The following INPP5A variants were observed in gnomAD, a reference collection of about 807,000 sequenced individuals.
INPP5A encodes 43 kDa inositol polyphosphate 5-phophatase.
In INPP5A, 14 loss-of-function variants were observed where a neutral mutation model predicts 65.2. The ratio of observed to expected loss-of-function variants is 0.21; its 90% CI spans 0.14 to 0.34. The LOEUF is 0.34. Ranked by LOEUF, INPP5A falls within the 10% of genes least tolerant of loss-of-function variation. INPP5A has a pLI of 1.00. For synonymous variants in INPP5A, 207 were observed against 208.3 expected (o/e 0.99, Z 0.05); for missense variants, 431 against 545.6 (o/e 0.79, Z 2.09).
chr10:132,640,843 C>A (rs1357894343), intron 2 of INPP5A, among the ~76,000 whole-genome samples: 1 of 152,242 alleles, frequency 6.6e-6, no homozygotes, highest in Non-Finnish European at 1.5e-5. Flanking sequence ...CAGTGTCCCC[C>A]ACACAGTGTC....
intron 12 of INPP5A, among the ~76,000 whole-genome samples, chr10:132,773,699 C>G (rs1245503650): frequency 6.6e-6 from 1 of 152,190 alleles, no homozygotes; most frequent in Non-Finnish European, 1.5e-5. Flanking sequence ...AGTGAGGGAA[C>G]CCGTCCCACA....
intron 8 of INPP5A, among the ~76,000 whole-genome samples, chr10:132,719,614 G>C (rs1487241890): frequency 1.5e-5 from 2 of 137,924 alleles, no homozygotes; most frequent in Non-Finnish European, 3.1e-5. Flanking sequence ...TCTTTCTGGA[G>C]GCGCCTTAGA....
At chr10:132,642,885 G>A (rs528270598) in intron 2 of INPP5A, among the ~76,000 whole-genome samples, 1 of 152,266 alleles carries the variant, frequency 6.6e-6, no homozygotes, top group South Asian at 2.1e-4. Context: ...TTTCTGTCAC[G>A]TGCTTGAAAT....
chr10:132,625,870 GTGTGTGTT>G lies in INPP5A; in HGVS notation c.117+17922_117+17929del, dbSNP rs1435903485. Among the ~76,000 whole-genome samples, 361 of 148,804 alleles carry G rather than the reference GTGTGTGTT, an allele frequency of 2.4e-3. 2 individuals carry two copies. Among genetic ancestry groups the G allele is most frequent in the African/African-American group, 8.8e-3 (344 of 39,238 alleles). ...TGTGTGTGTGTGTGTGTGTGTGTGTGTGTGTGTTTGTGTGTGTGTGTGTACAGTGTTTG... is the reference window on the plus strand; with the variant it reads ...TGTGTGTGTGTGTGTGTGTGTGTGTGTGTGTGTGTGTGTGTACAGTGTTTG... On this transcript the variant is annotated intron_variant, in intron 2 of 15. Coordinates refer to ENST00000368594, the MANE Select transcript of INPP5A (RefSeq NM_005539.5).
chr10:132,729,509 C>G (rs537706702), intron 9 of INPP5A, among the ~76,000 whole-genome samples: 1 of 152,220 alleles, frequency 6.6e-6, no homozygotes, highest in African/African-American at 2.4e-5. Flanking sequence ...AACTGCCTCC[C>G]GGGCCTCAGT....
intron 2 of INPP5A, among the ~76,000 whole-genome samples, chr10:132,630,586 T>TGAGGGGAAGACGTCCAC (rs2072253359): frequency 6.6e-6 from 1 of 150,542 alleles, no homozygotes; most frequent in Admixed American, 6.6e-5. Context: ...AAGACGTCCA[T>TGAGGGGAAGACGTCCAC]GAGGGGAAGA....
chr10:132,542,357 C>T (rs939871397), intron 1 of INPP5A, among the ~76,000 whole-genome samples: 3 of 152,218 alleles, frequency 2.0e-5, no homozygotes, highest in African/African-American at 7.2e-5. Flanking sequence ...TTGAAGAGCC[C>T]TGGAAGAGCG....
At position 132,538,182 on chromosome 10, in the gene INPP5A, C is replaced by G; in HGVS notation, c.75+11C>G. The G allele has an allele frequency of 1.6e-6, 2 of 1,272,878 alleles. No homozygotes were observed. The highest frequency in any genetic ancestry group is 2.0e-6 in the Non-Finnish European group (2 of 1,005,686). 78.8% of individuals were successfully genotyped at this position (1,272,878 alleles called of 1,614,324 possible). A position where few individuals can be genotyped will look rare whatever the true frequency, so the allele number is the denominator to read the frequency against. ...TCGCTCTTCGACGACGTAAGTCCCCCGTGCCGGCGGCAGGCCCCAAGCCCG... is the reference window on the plus strand; with the variant it reads ...TCGCTCTTCGACGACGTAAGTCCCCGGTGCCGGCGGCAGGCCCCAAGCCCG... On this transcript the variant is annotated intron_variant, in intron 1 of 15. Coordinates refer to ENST00000368594, the MANE Select transcript of INPP5A (RefSeq NM_005539.5). The surrounding 1 kb of genome is among the most constrained non-coding windows in gnomAD (Gnocchi z 4.1).
intron 11 of INPP5A, chr10:132,754,057 C>T (rs887470212): frequency 2.6e-5 from 4 of 151,796 alleles, no homozygotes; most frequent in African/African-American, 7.3e-5. Flanking sequence ...CACATCATTC[C>T]GGGGGCAACA....
chr10:132,638,822 CCTCCCAAATTG>C, intron 2 of INPP5A, among the ~76,000 whole-genome samples: 1 of 152,294 alleles, frequency 6.6e-6, no homozygotes, highest in South Asian at 2.1e-4. Context: ...CCCGCCTCGG[CCTCCCAAATTG>C]CTGGGATTAG....
chr10:132,541,841 G>C (rs1243488317), intron 1 of INPP5A, among the ~76,000 whole-genome samples: 1 of 152,264 alleles, frequency 6.6e-6, no homozygotes, highest in Admixed American at 6.5e-5. Flanking sequence ...CTGGCCAGGT[G>C]GCTGGGGTGC....
At chr10:132,580,936 A>G (rs749587046) in intron 1 of INPP5A, among the ~76,000 whole-genome samples, 8 of 152,242 alleles carry the variant, frequency 5.3e-5, no homozygotes, top group Non-Finnish European at 1.2e-4. Context: ...ACAGATCCTA[A>G]GTACACATTT....
chr10:132,695,805 C>A (rs1845335555), intron 5 of INPP5A, among the ~76,000 whole-genome samples: 1 of 152,186 alleles, frequency 6.6e-6, no homozygotes, highest in Non-Finnish European at 1.5e-5. Flanking sequence ...AATACAAGAT[C>A]TCTGTGAGGA....
chr10:132,726,107 G>T (rs1174928021), intron 8 of INPP5A, among the ~76,000 whole-genome samples: 1 of 152,176 alleles, frequency 6.6e-6, no homozygotes, highest in Non-Finnish European at 1.5e-5. Context: ...TGTAAGGGAA[G>T]CCGCAGTGGA....
intron 8 of INPP5A, among the ~76,000 whole-genome samples, chr10:132,721,565 G>A (rs2134567319): frequency 6.6e-6 from 1 of 151,092 alleles, no homozygotes; most frequent in Non-Finnish European, 1.5e-5. Context: ...TTCTGTCTGG[G>A]CACCTTAGAC....
At chr10:132,558,519 A>G (rs1201532036) in intron 1 of INPP5A, among the ~76,000 whole-genome samples, 1 of 152,166 alleles carries the variant, frequency 6.6e-6, no homozygotes, top group African/African-American at 2.4e-5. Context: ...CGGGTGGTCC[A>G]TATGCATGGG....
intron 12 of INPP5A, among the ~76,000 whole-genome samples, chr10:132,766,428 T>C (rs546766101): frequency 9.3e-4 from 141 of 152,300 alleles, no homozygotes; most frequent in African/African-American, 3.4e-3. Context: ...AGTGTGTCTA[T>C]GTGGGTGTGG....
At chr10:132,625,621 C>T (rs1325276085) in intron 2 of INPP5A, among the ~76,000 whole-genome samples, 2 of 152,176 alleles carry the variant, frequency 1.3e-5, no homozygotes, top group Non-Finnish European at 2.9e-5. Context: ...ATGGGAGCCT[C>T]TGCTGCAGGG....
At chr10:132,700,099 C>T (rs533875715) in intron 6 of INPP5A, among the ~76,000 whole-genome samples, 2 of 152,312 alleles carry the variant, frequency 1.3e-5, no homozygotes, top group South Asian at 2.1e-4. Flanking sequence ...GCCTCAGGCC[C>T]GGTTTGTATA....
Sources: gnomAD v4.1 joint callset for allele counts (sites outside exome capture counted in the v4.1 genomes callset) on GRCh38, gnomAD v4.1.1 for gene constraint, Gnocchi (gnomAD v3.1) non-coding constraint, MANE v1.5 for transcripts, NCBI Gene and HGNC (gene_info 2026-07-23, HGNC 2026-07-21) for gene names.